TMTC1: variants seen among roughly 807,000 people sequenced by gnomAD.
TMTC1 encodes transmembrane O-mannosyltransferase targeting cadherins 1.
In TMTC1, 73 loss-of-function variants were observed where a neutral mutation model predicts 104.8. That is an observed-to-expected ratio of 0.70 (90% CI 0.58 to 0.85). The LOEUF is 0.85. TMTC1 is among the 40% of genes least tolerant of loss of function. The pLI, the probability that TMTC1 is intolerant of heterozygous loss-of-function variation, is 0.00. For synonymous variants in TMTC1, 434 were observed against 428.7 expected (o/e 1.01, Z -0.15); for missense variants, 1,035 against 1,096.1 (o/e 0.94, Z 0.79).
In TMTC1 at chr12:29,554,165, A is replaced by C. The variant is rs541859458; in HGVS notation, c.1676+2692T>G. ...AAATCCTTAGAACTTCACATAAAGA[A>C]ATACGTGCTCATAAAAGTAGCAGAG... On this transcript the variant is annotated intron_variant, in intron 10 of 17. Coordinates refer to ENST00000539277, the MANE Select transcript of TMTC1 (RefSeq NM_001193451.2). Among the ~76,000 whole-genome samples, 7 of 152,336 alleles carry C rather than the reference A, an allele frequency of 4.6e-5. No individual in the cohort carries two copies. In the South Asian group the frequency reaches 1.4e-3, roughly 32 times the overall value.
At chr12:29,687,604 A>G (rs996873432) in intron 5 of TMTC1, among the ~76,000 whole-genome samples, 2 of 152,204 alleles carry the variant, frequency 1.3e-5, no homozygotes, top group African/African-American at 2.4e-5. Flanking sequence ...ACTGATTTTG[A>G]TAATTGTCCT....
chr12:29,782,424 A>T (rs1271696824), intron 1 of TMTC1, among the ~76,000 whole-genome samples: 83 of 151,418 alleles, frequency 5.5e-4, no homozygotes, highest in Admixed American at 5.5e-3. Flanking sequence ...AGTCTCAAAT[A>T]ATCATTACCA....
intron 10 of TMTC1, among the ~76,000 whole-genome samples, chr12:29,551,646 G>A (rs1945107589): frequency 6.6e-6 from 1 of 152,080 alleles, no homozygotes; most frequent in Non-Finnish European, 1.5e-5. Flanking sequence ...AACACCAACA[G>A]CTATTTTAAC....
chr12:29,761,300 G>A (rs1216418385), intron 2 of TMTC1, among the ~76,000 whole-genome samples: 1 of 151,538 alleles, frequency 6.6e-6, no homozygotes, highest in Non-Finnish European at 1.5e-5. Context: ...AAAGTATAAA[G>A]GAGTATGAAT....
At chr12:29,566,419 T>C (rs1459418283) in intron 9 of TMTC1, among the ~76,000 whole-genome samples, 3 of 152,022 alleles carry the variant, frequency 2.0e-5, no homozygotes, top group African/African-American at 7.2e-5. Context: ...TGAGGTGGGG[T>C]GGCTGGAGCC....
At chr12:29,689,067 A>G (rs1941185041) in intron 5 of TMTC1, among the ~76,000 whole-genome samples, 1 of 152,184 alleles carries the variant, frequency 6.6e-6, no homozygotes, top group Non-Finnish European at 1.5e-5. Context: ...GCTTGAATGT[A>G]GTGGCTAGAG....
intron 5 of TMTC1, among the ~76,000 whole-genome samples, chr12:29,664,044 G>A (rs1346555797): frequency 4.6e-5 from 7 of 151,044 alleles, no homozygotes; most frequent in Admixed American, 1.3e-4. Flanking sequence ...AAAATTAGCC[G>A]GGCGTAGTGG....
chr12:29,721,077 A>G (rs76275049), intron 5 of TMTC1, among the ~76,000 whole-genome samples: 8,216 of 152,244 alleles, frequency 0.054, 538 homozygotes, highest in African/African-American at 0.15. Flanking sequence ...TGAAATAATG[A>G]TATTTTAAAT....
Position 29,712,113 on chromosome 12 carries a change from G to A in TMTC1, c.938+39553C>T, listed in dbSNP as rs148879649. On this transcript the variant is annotated intron_variant, in intron 5 of 17. Coordinates refer to ENST00000539277, the MANE Select transcript of TMTC1 (RefSeq NM_001193451.2). ...CTGCTCTCCAGCTCTCCAATATAAC[G>A]CAAACTTCCCCTCAACTACATCCGA... 1.1e-4 allele frequency among the ~76,000 whole-genome samples: 16 copies of A among 147,378 alleles called. No individual in the cohort carries two copies. The East Asian group carries it at 1.4e-3, about 13-fold the overall frequency.
At chr12:29,571,484 C>T (rs749632693) in intron 9 of TMTC1, among the ~76,000 whole-genome samples, 24 of 151,750 alleles carry the variant, frequency 1.6e-4, no homozygotes, top group Admixed American at 9.2e-4. Context: ...TAAGGCAGAA[C>T]TTAAATTTTT....
chr12:29,690,297 C>G (rs546799271), intron 5 of TMTC1, among the ~76,000 whole-genome samples: 3 of 152,216 alleles, frequency 2.0e-5, no homozygotes, highest in African/African-American at 7.2e-5. Flanking sequence ...TGAGATGAGA[C>G]GGAAGGAAAA....
intron 7 of TMTC1, among the ~76,000 whole-genome samples, chr12:29,603,223 T>C (rs1012350885): frequency 9.9e-5 from 15 of 152,154 alleles, no homozygotes; most frequent in African/African-American, 3.6e-4. Flanking sequence ...AGAAAGCTAT[T>C]AGGTATTTGG....
chr12:29,539,843 C>G (rs998288005), intron 10 of TMTC1, among the ~76,000 whole-genome samples: 2 of 152,272 alleles, frequency 1.3e-5, no homozygotes, highest in South Asian at 4.2e-4. Flanking sequence ...ATTTGCCCTG[C>G]TCCTAAGCAA....
chr12:29,541,682 A>G (rs1213967113), intron 10 of TMTC1, among the ~76,000 whole-genome samples: 4 of 137,088 alleles, frequency 2.9e-5, no homozygotes, highest in African/African-American at 1.1e-4. Flanking sequence ...TTTTTGAGAC[A>G]GAGTCTTGCT....
At chr12:29,606,981 C>T (rs572445913) in intron 6 of TMTC1, among the ~76,000 whole-genome samples, 4 of 148,814 alleles carry the variant, frequency 2.7e-5, no homozygotes, top group African/African-American at 4.9e-5. Context: ...CTGCCCCCCC[C>T]CCTCACTCAC....
intron 11 of TMTC1, among the ~76,000 whole-genome samples, chr12:29,523,986 G>GT (rs1491232945): frequency 6.6e-6 from 1 of 152,052 alleles, no homozygotes; most frequent in Non-Finnish European, 1.5e-5. Context: ...ACTTAGGTGA[G>GT]TGTGACCATT....
intron 5 of TMTC1, among the ~76,000 whole-genome samples, chr12:29,725,537 T>C (rs945876630): frequency 1.3e-5 from 2 of 152,170 alleles, no homozygotes; most frequent in African/African-American, 4.8e-5. Flanking sequence ...CATTCTGAAT[T>C]AGCAGATCAT....
At position 29,506,949 on chromosome 12, in the gene TMTC1, G is replaced by C. The variant is rs759018253; in HGVS notation, c.2546C>G (p.Ala849Gly). 3 of 1,613,754 alleles carry C rather than the reference G, an allele frequency of 1.9e-6. No individual in the cohort carries two copies. The highest frequency in any genetic ancestry group is 1.7e-5 in the Admixed American group (1 of 60,016). ...TTTGCTGTCTGGAACCAGCTGTAAG[G>C]CTCTCTCATAATAAGCTCTTGCAGA... ...YVSARAYYER[A>G]LQLVPDSKLL... The change falls in exon 18 of 18, where the codon GCC (alanine) becomes GGC (glycine). Residue 849 changes from alanine to glycine, a missense_variant. Physicochemically the swap from Ala to Gly is moderately conservative, Grantham distance 60. Coordinates refer to ENST00000539277, the MANE Select transcript of TMTC1 (RefSeq NM_001193451.2).
At chr12:29,638,562 G>A (rs950726552) in intron 5 of TMTC1, among the ~76,000 whole-genome samples, 4 of 152,152 alleles carry the variant, frequency 2.6e-5, no homozygotes, top group Non-Finnish European at 5.9e-5. Flanking sequence ...ATAAGGCTGA[G>A]GGTCTAATTG....
Sources: allele counts gnomAD v4.1 joint callset (sites outside exome capture counted in the v4.1 genomes callset), GRCh38; gene constraint gnomAD v4.1.1; transcripts MANE v1.5; gene names NCBI Gene and HGNC (gene_info 2026-07-23, HGNC 2026-07-21).